RBFOX1: variants seen among roughly 807,000 people sequenced by gnomAD.
RBFOX1 encodes the protein RNA binding fox-1 homolog 1.
Under a neutral mutation model 57.7 loss-of-function variants are expected in RBFOX1, and 8 were observed. That is an observed-to-expected ratio of 0.14 (90% CI 0.08 to 0.25). The LOEUF is 0.25. RBFOX1 is among the 10% of genes least tolerant of loss of function. RBFOX1 has a pLI of 1.00. For synonymous variants in RBFOX1, 326 were observed against 222.4 expected, an observed-to-expected ratio of 1.47 and a Z score of -4.15; for missense variants, 611 against 548.5, an observed-to-expected ratio of 1.11 and a Z score of -1.14.
At chr16:5,708,923 A>G (rs1424103068) in intron 3 of RBFOX1, among the ~76,000 whole-genome samples, 1 of 152,222 alleles carries the variant, frequency 6.6e-6, no homozygotes, top group Non-Finnish European at 1.5e-5. Context: ...GAGAGCAAGA[A>G]GAGGAATGAA....
chr16:5,718,250 A>C, intron 3 of RBFOX1, among the ~76,000 whole-genome samples: 1 of 152,220 alleles, frequency 6.6e-6, no homozygotes, highest in Non-Finnish European at 1.5e-5. Flanking sequence ...TACATTTATT[A>C]AGAATCCATG....
chr16:6,612,154 T>G (rs2098068791), intron 2 of RBFOX1, among the ~76,000 whole-genome samples: 1 of 152,054 alleles, frequency 6.6e-6, no homozygotes, highest in Admixed American at 6.5e-5. Flanking sequence ...TGCTCATCTT[T>G]TATTTTCTGT....
intron 2 of RBFOX1, among the ~76,000 whole-genome samples, chr16:5,557,958 G>GTTTCT (rs2045742140): frequency 6.6e-6 from 1 of 152,200 alleles, no homozygotes; most frequent in East Asian, 1.9e-4. Context: ...AGAAGAGTAA[G>GTTTCT]CATGTCTGGA....
At chr16:7,512,494 C>G (rs1017941958) in intron 4 of RBFOX1, among the ~76,000 whole-genome samples, 5 of 152,214 alleles carry the variant, frequency 3.3e-5, no homozygotes, top group African/African-American at 1.2e-4. Flanking sequence ...TAGGGTCTCT[C>G]TGGAACGGCT....
At chr16:7,679,606 CCT>C (rs1267397890) in intron 14 of RBFOX1, among the ~76,000 whole-genome samples, 1 of 152,142 alleles carries the variant, frequency 6.6e-6, no homozygotes, top group Non-Finnish European at 1.5e-5. Flanking sequence ...TAGGATTTTA[CCT>C]TTTTTCAGCA....
chr16:5,503,459 C>T (rs372199547), intron 2 of RBFOX1, among the ~76,000 whole-genome samples: 3 of 152,298 alleles, frequency 2.0e-5, no homozygotes, highest in South Asian at 2.1e-4. Flanking sequence ...TTTTTTGAGA[C>T]GGAGTCTTGC....
chr16:6,349,206 G>A (rs1227084543), intron 2 of RBFOX1, among the ~76,000 whole-genome samples: 1 of 152,086 alleles, frequency 6.6e-6, no homozygotes, highest in African/African-American at 2.4e-5. Flanking sequence ...CAGAAAAAAA[G>A]CAGAAAAGTG....
chr16:5,438,558 C>A (rs1370917751), intron 1 of RBFOX1, among the ~76,000 whole-genome samples: 1 of 152,168 alleles, frequency 6.6e-6, no homozygotes, highest in African/African-American at 2.4e-5. Context: ...CCCCACCCAG[C>A]TAGTTCTCCT....
intron 3 of RBFOX1, among the ~76,000 whole-genome samples, chr16:6,667,790 T>A (rs1356650736): frequency 2.0e-5 from 3 of 151,866 alleles, no homozygotes; most frequent in African/African-American, 7.3e-5. Flanking sequence ...TCAAATGGCT[T>A]AAGGAGAAGG....
At chr16:6,505,904 T>C (rs970833137) in intron 2 of RBFOX1, among the ~76,000 whole-genome samples, 6 of 152,182 alleles carry the variant, frequency 3.9e-5, no homozygotes, top group African/African-American at 1.2e-4. Context: ...ACAGAGAACC[T>C]GTTACCTAGG....
chr16:6,873,660 G>C (rs562200154), intron 3 of RBFOX1, among the ~76,000 whole-genome samples: 5 of 152,244 alleles, frequency 3.3e-5, no homozygotes, highest in Admixed American at 1.3e-4. Context: ...GCATTCATAG[G>C]TTTAGAAGGA....
chr16:5,426,171 C>G (rs890129875), intron 1 of RBFOX1, among the ~76,000 whole-genome samples: 1 of 152,230 alleles, frequency 6.6e-6, no homozygotes, highest in South Asian at 2.1e-4. Flanking sequence ...AATAATGACT[C>G]TGAACCTGCC....
chr16:7,137,497 A>C (rs1379180409), intron 4 of RBFOX1, among the ~76,000 whole-genome samples: 1 of 152,164 alleles, frequency 6.6e-6, no homozygotes, highest in Non-Finnish European at 1.5e-5. Flanking sequence ...TGCCAATGTA[A>C]GGAGTACCTT....
intron 3 of RBFOX1, among the ~76,000 whole-genome samples, chr16:6,927,085 C>G (rs1393133542): frequency 6.6e-6 from 1 of 152,068 alleles, no homozygotes; most frequent in African/African-American, 2.4e-5. Flanking sequence ...CGATGGGCCT[C>G]AAGCTTGAGT....
At chr16:5,656,157 T>A (rs1183886421) in intron 3 of RBFOX1, among the ~76,000 whole-genome samples, 1 of 152,208 alleles carries the variant, frequency 6.6e-6, no homozygotes, top group African/African-American at 2.4e-5. Context: ...ATTCCAAACC[T>A]TGTTTCTCTT....
At chr16:5,951,634 A>G (rs1468984951) in intron 4 of RBFOX1, among the ~76,000 whole-genome samples, 1 of 152,068 alleles carries the variant, frequency 6.6e-6, no homozygotes, top group Non-Finnish European at 1.5e-5. Flanking sequence ...CCCCCACACC[A>G]CTTATCAGCA....
At chr16:6,607,706 TAAG>T (rs1362702001) in intron 2 of RBFOX1, among the ~76,000 whole-genome samples, 4 of 152,070 alleles carry the variant, frequency 2.6e-5, no homozygotes, top group Non-Finnish European at 5.9e-5. Flanking sequence ...AGTGTGCAAA[TAAG>T]AAATAATTAT....
chr16:6,166,994 C>A lies in RBFOX1; in HGVS notation c.-127+147002C>A, dbSNP rs373648689. Among the ~76,000 whole-genome samples the A allele has an allele frequency of 2.0e-4, 30 of 152,212 alleles. No homozygotes were observed. The East Asian group carries it at 5.4e-3, about 28-fold the overall frequency. On this transcript the variant is annotated intron_variant, in intron 1 of 15. Coordinates refer to ENST00000550418, the MANE Select transcript of RBFOX1 (RefSeq NM_018723.4). ...TTCACTATATTGGCTAGGCTGGTCT[C>A]AAACTCCTGACCTCATGTTCTGCCT... is the stretch of plus-strand genomic sequence containing the variant.
At chr16:7,408,005 T>A (rs933195173) in intron 4 of RBFOX1, among the ~76,000 whole-genome samples, 9 of 152,212 alleles carry the variant, frequency 5.9e-5, no homozygotes, top group African/African-American at 2.2e-4. Context: ...AAATATTTAT[T>A]CCGTGGCTCT....
Sources: gnomAD v4.1 joint callset for allele counts (sites outside exome capture counted in the v4.1 genomes callset) on GRCh38, gnomAD v4.1.1 for gene constraint, MANE v1.5 for transcripts, NCBI Gene and HGNC (gene_info 2026-07-23, HGNC 2026-07-21) for gene names.